NEDD4L: variants seen among roughly 807,000 people sequenced by gnomAD.
NEDD4L encodes the protein E3 ubiquitin-protein ligase NEDD4-like.
A neutral mutation model predicts 148.9 loss-of-function variants in NEDD4L; 54 were observed. The ratio of observed to expected loss-of-function variants is 0.36; its 90% CI spans 0.29 to 0.45. The LOEUF (loss-of-function observed/expected upper bound fraction) is 0.45, where lower values mean the gene tolerates loss of function less well. Ranked by LOEUF, NEDD4L falls within the 20% of genes least tolerant of loss-of-function variation. NEDD4L has a pLI of 1.00. For missense variants in NEDD4L, 856 were observed against 1,233.8 expected (o/e 0.69, Z 4.59); for synonymous variants, 433 against 440.7 (o/e 0.98, Z 0.22).
intron 1 of NEDD4L, among the ~76,000 whole-genome samples, chr18:58,116,451 G>A (rs474743): frequency 0.43 from 65,342 of 151,962 alleles, 14,359 homozygotes; most frequent in South Asian, 0.53. Context: ...CTGCATCAGA[G>A]TTTATGGCCT....
chr18:58,047,004 G>T (rs2081615007), intron 1 of NEDD4L: 1 of 152,614 alleles, frequency 6.6e-6, no homozygotes, highest in South Asian at 2.1e-4. Context: ...GAGAATCAGG[G>T]AATGCCTTCG....
chr18:58,264,573 C>G (rs2049947097), intron 5 of NEDD4L, among the ~76,000 whole-genome samples: 1 of 151,952 alleles, frequency 6.6e-6, no homozygotes, highest in Admixed American at 6.6e-5. Context: ...CATGTGATAT[C>G]TTGTTAACAT....
At chr18:58,183,153 A>G (rs2039045053) in intron 2 of NEDD4L, among the ~76,000 whole-genome samples, 2 of 152,180 alleles carry the variant, frequency 1.3e-5, no homozygotes, top group African/African-American at 4.8e-5. Context: ...TGCCACATGG[A>G]GGTTGCTGGG....
chr18:58,083,253 A>G (rs747726313), intron 1 of NEDD4L, among the ~76,000 whole-genome samples: 2 of 152,218 alleles, frequency 1.3e-5, no homozygotes, highest in Non-Finnish European at 2.9e-5. Context: ...CTAATTGTGT[A>G]ATGATTTGGC....
At chr18:58,262,631 G>GA (rs11296007) in intron 5 of NEDD4L, among the ~76,000 whole-genome samples, 130 of 138,686 alleles carry the variant, frequency 9.4e-4, no homozygotes, top group Middle Eastern at 3.7e-3. Context: ...TCTGTCTCAG[G>GA]AAAAAAAAAA....
At chr18:58,080,983 G>A (rs983316188) in intron 1 of NEDD4L, among the ~76,000 whole-genome samples, 6 of 152,044 alleles carry the variant, frequency 3.9e-5, no homozygotes, top group Non-Finnish European at 7.4e-5. Flanking sequence ...CCTCAGCATC[G>A]GAACTCCAGA....
intron 1 of NEDD4L, among the ~76,000 whole-genome samples, chr18:58,111,106 C>T (rs1009717391): frequency 2.0e-5 from 3 of 152,154 alleles, no homozygotes; most frequent in African/African-American, 4.8e-5. Context: ...GTCTCACTGT[C>T]GCCCAGGCTG....
chr18:58,191,180 G>A (rs892098632), intron 2 of NEDD4L, among the ~76,000 whole-genome samples: 3 of 152,148 alleles, frequency 2.0e-5, no homozygotes, highest in African/African-American at 7.2e-5. Flanking sequence ...ACAACAAACT[G>A]ATTTTTAAGT....
intron 23 of NEDD4L, chr18:58,371,999 G>A (rs117946172): frequency 0.016 from 2,490 of 152,316 alleles, 29 homozygotes; most frequent in Non-Finnish European, 0.027. Context: ...TGATCCTCTG[G>A]ATTCTGAAAC....
intron 1 of NEDD4L, among the ~76,000 whole-genome samples, chr18:58,085,801 C>A (rs2083731601): frequency 6.6e-6 from 1 of 152,134 alleles, no homozygotes; most frequent in Non-Finnish European, 1.5e-5. Flanking sequence ...AAAGGAGAAT[C>A]TTTTATTTTA....
At position 58,375,748 on chromosome 18, in the gene NEDD4L, C is replaced by T. The variant is rs999023026; in HGVS notation, c.2352+2479C>T. Among the ~76,000 whole-genome samples the T allele has an allele frequency of 3.9e-5, 6 of 152,230 alleles. No homozygotes were observed. In the East Asian group the frequency reaches 9.7e-4, roughly 25 times the overall value. On this transcript the variant is annotated intron_variant, in intron 24 of 30. Transcript: ENST00000400345. ...CCAGGGCTCAGCATGTAGTTGATGC[C>T]TGCCAGTGCTCATTGAGCAAACGAA... is the stretch of plus-strand genomic sequence containing the variant.
rs2037593578 is a variant in NEDD4L, at chr18:58,172,211, G to A, written c.122+6350G>A. On this transcript the variant is annotated intron_variant, in intron 2 of 30. Transcript: ENST00000400345. ...GGTACAGGTGGCAAGGCAGGCACCA[G>A]GCAGCCGCCGACAGGGTCAGGAACC... Among the ~76,000 whole-genome samples the A allele has an allele frequency of 2.0e-5, 3 of 152,158 alleles. No homozygotes were observed. The South Asian group carries it at 6.2e-4, about 32-fold the overall frequency.
intron 5 of NEDD4L, among the ~76,000 whole-genome samples, chr18:58,272,633 GA>G (rs112922912): frequency 0.2 from 25,840 of 130,470 alleles, 2,285 homozygotes; most frequent in Non-Finnish European, 0.21. Flanking sequence ...CTGTCTCAAA[GA>G]AAAAAAAAAA....
intron 2 of NEDD4L, among the ~76,000 whole-genome samples, chr18:58,230,416 T>TCC (rs774976460): frequency 6.6e-6 from 1 of 151,724 alleles, no homozygotes; most frequent in African/African-American, 2.4e-5. Flanking sequence ...TGAAGCTTCT[T>TCC]CTTTTTTTTT....
chr18:58,128,011 T>TTTTTG (rs1178440407), intron 1 of NEDD4L, among the ~76,000 whole-genome samples: 38 of 151,364 alleles, frequency 2.5e-4, no homozygotes, highest in African/African-American at 8.0e-4. Context: ...CCGGCTAATT[T>TTTTTG]TTTTGTTTTG....
rs529802328 is a variant in NEDD4L, at chr18:58,250,143, G to GTTTGT, written c.243+1225_243+1229dup. On this transcript the variant is annotated intron_variant, in intron 4 of 30. Coordinates refer to ENST00000400345, the MANE Select transcript of NEDD4L (RefSeq NM_001144967.3). The stretch of plus-strand genomic sequence containing the variant: ...GTTTTTCTGAAGGTTTTTTTTGTTT[G>GTTTGT]TTTGTTTTGTTTTGTTTTGTTTTTT... 4.7e-3 allele frequency among the ~76,000 whole-genome samples: 713 copies of GTTTGT among 151,822 alleles called. 3 individuals carry two copies. Among genetic ancestry groups the GTTTGT allele is most frequent in the African/African-American group, 0.015 (620 of 41,442 alleles).
intron 1 of NEDD4L, among the ~76,000 whole-genome samples, chr18:58,061,433 C>T (rs2082328577): frequency 6.6e-6 from 1 of 151,886 alleles, no homozygotes; most frequent in South Asian, 2.1e-4. Context: ...CCTGCTGCTT[C>T]ATATCTCACA....
intron 1 of NEDD4L, among the ~76,000 whole-genome samples, chr18:58,068,599 G>A (rs1365211804): frequency 6.6e-6 from 1 of 152,228 alleles, no homozygotes; most frequent in East Asian, 1.9e-4. Flanking sequence ...TACTTGCAAA[G>A]TGAGAGAGCT....
chr18:58,220,336 G>C (rs2043596876), intron 2 of NEDD4L, among the ~76,000 whole-genome samples: 1 of 152,072 alleles, frequency 6.6e-6, no homozygotes, highest in Admixed American at 6.5e-5. Context: ...AACCCCAGAG[G>C]CAGAGACTGT....
Sources: allele counts gnomAD v4.1 joint callset (sites outside exome capture counted in the v4.1 genomes callset), GRCh38; gene constraint gnomAD v4.1.1; transcripts MANE v1.5; gene names NCBI Gene and HGNC (gene_info 2026-07-23, HGNC 2026-07-21).